The following RANBP2 variants were observed in gnomAD, a reference collection of about 807,000 sequenced individuals.
RANBP2 encodes the protein E3 SUMO-protein ligase RanBP2.
Under a neutral mutation model 303.6 loss-of-function variants are expected in RANBP2, and 57 were observed. The observed-to-expected ratio is 0.19, with a 90% CI of 0.15 to 0.23. The LOEUF (loss-of-function observed/expected upper bound fraction) is 0.23, where lower values mean the gene tolerates loss of function less well. Among genes scored for constraint, RANBP2 ranks in the 10% least tolerant of loss-of-function variants. RANBP2 has a pLI of 1.00. For missense variants in RANBP2, 3,138 were observed against 3,780.8 expected (o/e 0.83, Z 4.46); for synonymous variants, 1,167 against 1,301.5 (o/e 0.90, Z 2.23).
At chr2:108,876,210 G>A in the RANBP2 span, 4 of 1,612,804 alleles carry the variant, frequency 2.5e-6, no homozygotes, top group Non-Finnish European at 3.4e-6. Flanking sequence ...TTCAATCTGG[G>A]TTTAACAAAA....
chr2:109,467,156 A>T, the RANBP2 span, among the ~76,000 whole-genome samples: 1 of 152,270 alleles, frequency 6.6e-6, no homozygotes, highest in South Asian at 2.1e-4. Context: ...AGAAGCAGAC[A>T]CACAGGCCTA....
At chr2:109,667,815 A>G in the RANBP2 span, 12 of 186,840 alleles carry the variant, frequency 6.4e-5, 1 homozygote. Context: ...TACAGTGTGC[A>G]GTCAGAGGGT....
At chr2:109,319,683 G>A in the RANBP2 span, among the ~76,000 whole-genome samples, 1 of 152,174 alleles carries the variant, frequency 6.6e-6, no homozygotes, top group Non-Finnish European at 1.5e-5. Flanking sequence ...TAAAGTGTGC[G>A]ATCTTGAAGA....
the RANBP2 span, chr2:109,501,735 C>T: frequency 4.3e-6 from 3 of 695,902 alleles, no homozygotes; most frequent in African/African-American, 1.8e-5. Context: ...CCACGGCACA[C>T]AGAGAGGGAG....
chr2:108,993,391 G>T, the RANBP2 span, among the ~76,000 whole-genome samples: 3 of 152,200 alleles, frequency 2.0e-5, no homozygotes, highest in Admixed American at 6.5e-5. Flanking sequence ...CACATTCCAC[G>T]TGGGGGCTGG....
At chr2:109,557,876 TCTCA>T in the RANBP2 span, among the ~76,000 whole-genome samples, 3 of 140,090 alleles carry the variant, frequency 2.1e-5, no homozygotes, top group Non-Finnish European at 3.1e-5. Context: ...TGAGACGGGG[TCTCA>T]CTGTCATCCA....
At chr2:109,182,708 A>G in the RANBP2 span, among the ~76,000 whole-genome samples, 2 of 152,232 alleles carry the variant, frequency 1.3e-5, no homozygotes, top group Non-Finnish European at 2.9e-5. Flanking sequence ...CTTGATATCA[A>G]CTACTGCAGT....
At chr2:109,480,539 CAG>C in the RANBP2 span, among the ~76,000 whole-genome samples, 42 of 152,268 alleles carry the variant, frequency 2.8e-4, no homozygotes, top group African/African-American at 8.4e-4. Context: ...ATTAGTGTCT[CAG>C]GGGGCAGCCA....
the RANBP2 span, among the ~76,000 whole-genome samples, chr2:109,333,958 C>T: frequency 3.9e-5 from 6 of 152,172 alleles, no homozygotes; most frequent in African/African-American, 1.4e-4. Flanking sequence ...GCTCAGAGTA[C>T]TTTCTGACAA....
At position 108,744,860 on chromosome 2, in the gene RANBP2, G is replaced by A. The variant is rs1156537697; in HGVS notation, c.976-1851G>A. Among the ~76,000 whole-genome samples the A allele has an allele frequency of 8.5e-5, 13 of 152,128 alleles. 1 individual carries two copies. Among genetic ancestry groups the A allele is most frequent in the Admixed American group, 5.9e-4 (9 of 15,258 alleles). On this transcript the variant is annotated intron_variant, in intron 7 of 28. Transcript: ENST00000283195. ...AACTAATGTTATTGCTTTCTTGTGT[G>A]TTCTTCAGGAAATGTTTTATGCATC...
the RANBP2 span, among the ~76,000 whole-genome samples, chr2:109,732,485 T>G: frequency 6.6e-6 from 1 of 151,508 alleles, no homozygotes; most frequent in Non-Finnish European, 1.5e-5. Context: ...TTCATCTTTT[T>G]TTTTTTTTTT....
At chr2:108,912,773 A>C in the RANBP2 span, 1 of 1,581,402 alleles carries the variant, frequency 6.3e-7, no homozygotes, top group Non-Finnish European at 8.6e-7. Context: ...ACCTGCAAGG[A>C]AAATAGAGTC....
chr2:109,469,960 A>G, the RANBP2 span, among the ~76,000 whole-genome samples: 3 of 152,218 alleles, frequency 2.0e-5, no homozygotes, highest in Non-Finnish European at 4.4e-5. Flanking sequence ...GCGAGCTATA[A>G]GATGAACCCA....
At chr2:109,301,047 TA>T in the RANBP2 span, among the ~76,000 whole-genome samples, 1 of 152,248 alleles carries the variant, frequency 6.6e-6, no homozygotes, top group African/African-American at 2.4e-5. Context: ...GAGACTTCAA[TA>T]CAGTTGTGTA....
the RANBP2 span, among the ~76,000 whole-genome samples, chr2:108,910,251 C>G: frequency 1.3e-5 from 2 of 152,214 alleles, no homozygotes; most frequent in Non-Finnish European, 2.9e-5. Flanking sequence ...GGGCCTGACC[C>G]GAGAGCAGCA....
the RANBP2 span, among the ~76,000 whole-genome samples, chr2:109,131,358 A>G: frequency 6.6e-6 from 1 of 152,158 alleles, no homozygotes; most frequent in African/African-American, 2.4e-5. Flanking sequence ...TTTAATTGTG[A>G]TTAAATCCAG....
chr2:109,063,026 C>G, the RANBP2 span, among the ~76,000 whole-genome samples: 1 of 152,178 alleles, frequency 6.6e-6, no homozygotes, highest in Non-Finnish European at 1.5e-5. Flanking sequence ...CTTGATGTCC[C>G]CTTTCTCCTT....
chr2:109,272,268 G>T, the RANBP2 span, among the ~76,000 whole-genome samples: 1 of 152,182 alleles, frequency 6.6e-6, no homozygotes, highest in Admixed American at 6.5e-5. Flanking sequence ...TCTAGCAATT[G>T]CCCAACCAAA....
At chr2:109,384,257 GC>G in the RANBP2 span, among the ~76,000 whole-genome samples, 3,309 of 152,298 alleles carry the variant, frequency 0.022, 84 homozygotes, top group African/African-American at 0.059. Flanking sequence ...GACCACATCT[GC>G]CAGGGAGGAC....
Sources: allele counts gnomAD v4.1 joint callset (sites outside exome capture counted in the v4.1 genomes callset), GRCh38; gene constraint gnomAD v4.1.1; transcripts MANE v1.5; gene names NCBI Gene and HGNC (gene_info 2026-07-23, HGNC 2026-07-21).